Variants in KCNA2 observed in about 807,000 individuals in gnomAD.
The protein encoded by KCNA2 is potassium voltage-gated channel subfamily A member 2.
In KCNA2, 11 loss-of-function variants were observed where a neutral mutation model predicts 33.4. The observed-to-expected ratio is 0.33, with a 90% CI of 0.21 to 0.55. KCNA2 has a LOEUF of 0.55. KCNA2 is among the 20% of genes least tolerant of loss of function. The probability of loss-of-function intolerance (pLI) is 0.93; values close to 1 mark genes in which losing one functional copy is unlikely to be tolerated. For missense variants in KCNA2, 291 were observed against 621.6 expected, an observed-to-expected ratio of 0.47 and a Z score of 5.66; for synonymous variants, 222 against 231.3, an observed-to-expected ratio of 0.96 and a Z score of 0.37.
chr1:110,600,436 A>G lies in KCNA2; in HGVS notation c.*2847T>C. The G allele has an allele frequency of 2.0e-6, 2 of 984,746 alleles. No homozygotes were observed. The highest frequency in any genetic ancestry group is 2.4e-6 in the Non-Finnish European group (2 of 829,804). The allele number at this position is 984,746 out of a possible 1,614,324, so 61.0% of individuals were successfully genotyped here. A position where few individuals can be genotyped will look rare whatever the true frequency, so the allele number is the denominator to read the frequency against. On this transcript the variant is annotated 3_prime_UTR_variant, in exon 3 of 3. Transcript: ENST00000316361. ...TGTGGTGTATGTTTGTCTTTTGTGT[A>G]TGTTCTGTGTAAATTCTATATCTGT...
chr1:110,624,650 C>G (rs1650346383), intron 1 of KCNA2, among the ~76,000 whole-genome samples: 1 of 152,184 alleles, frequency 6.6e-6, no homozygotes, highest in Non-Finnish European at 1.5e-5. Context: ...ATAACAACAA[C>G]TACTACACAT....
At chr1:110,613,871 G>A (rs879859714) in intron 1 of KCNA2, among the ~76,000 whole-genome samples, 2 of 152,160 alleles carry the variant, frequency 1.3e-5, no homozygotes, top group Admixed American at 1.3e-4. Flanking sequence ...CATAGAGTGG[G>A]TATACTGTGG....
intron 1 of KCNA2, among the ~76,000 whole-genome samples, chr1:110,620,136 C>A (rs929175067): frequency 1.3e-5 from 2 of 151,426 alleles, no homozygotes; most frequent in Non-Finnish European, 2.9e-5. Flanking sequence ...CTTCTCAGCC[C>A]CCAGACCAAA....
At position 110,603,278 on chromosome 1, in the gene KCNA2, T is replaced by C. The variant is rs1557731534; in HGVS notation, c.*5A>G. ...TTGAGCTGTGAGTACGGTAATAGGT[T>C]TCAATCAGACATCAGTTAACATTTT... On this transcript the variant is annotated 3_prime_UTR_variant, in exon 3 of 3. Transcript: ENST00000316361. The surrounding 1 kb of genome is among the most constrained non-coding windows in gnomAD (Gnocchi z 5.7). The C allele has an allele frequency of 1.3e-6, 2 of 1,595,166 alleles. No homozygotes were observed.
In KCNA2 at chr1:110,599,907, A is replaced by AC; in HGVS notation, c.*3375dup. 5.1e-6 allele frequency: 5 copies of AC among 985,342 alleles called. No individual in the cohort carries two copies. Among genetic ancestry groups the AC allele is most frequent in the Non-Finnish European group, 6.0e-6 (5 of 829,940 alleles). 61.0% of individuals were successfully genotyped at this position (985,342 alleles called of 1,614,324 possible). ...TGTCCCAGGTACTTTCACACCCTGC[A>AC]CCCAGGTTTCTGGTGGGAGGAAGGT... On this transcript the variant is annotated 3_prime_UTR_variant, in exon 3 of 3. Transcript: ENST00000316361.
At chr1:110,631,416 G>C (rs1250679627) in exon 1 of KCNA2, 1 of 152,316 alleles carries the variant, frequency 6.6e-6, no homozygotes, top group Non-Finnish European at 1.5e-5. Flanking sequence ...CCCAGCGGAG[G>C]CTCTCCTGCA....
intron 1 of KCNA2, among the ~76,000 whole-genome samples, chr1:110,622,986 A>G (rs909290363): frequency 1.3e-5 from 2 of 152,216 alleles, no homozygotes; most frequent in Non-Finnish European, 2.9e-5. Flanking sequence ...GAGCTATACA[A>G]TACTGCAAGG....
intron 1 of KCNA2, among the ~76,000 whole-genome samples, chr1:110,613,679 GTATCA>G (rs956165203): frequency 6.6e-6 from 1 of 152,200 alleles, no homozygotes; most frequent in Non-Finnish European, 1.5e-5. Flanking sequence ...GGCAACCCCT[GTATCA>G]GAGGATAGCA....
In KCNA2 at chr1:110,594,061, C is replaced by A; in HGVS notation, c.*9222G>T. 6.8e-7 allele frequency: 1 copy of A among 1,467,274 alleles called. No individual in the cohort carries two copies. The highest frequency in any genetic ancestry group is 1.4e-5 in the South Asian group (1 of 69,122). The allele number at this position is 1,467,274 out of a possible 1,614,324, so 90.9% of individuals were successfully genotyped here. On this transcript the variant is annotated 3_prime_UTR_variant, in exon 3 of 3. Coordinates refer to ENST00000316361, the MANE Select transcript of KCNA2 (RefSeq NM_004974.4). ...CACCATGGAGACCCCAGTTCCCTTT[C>A]GGCATCATCCTTACGAAGCTTTACC... is the stretch of plus-strand genomic sequence containing the variant.
chr1:110,630,901 C>T (rs929382858), intron 1 of KCNA2, among the ~76,000 whole-genome samples: 2 of 152,204 alleles, frequency 1.3e-5, no homozygotes, highest in South Asian at 2.1e-4. Flanking sequence ...AGGCAGCCAG[C>T]CCCGGAACCA....
In KCNA2 at chr1:110,596,350, T is replaced by TATAC. The variant is rs1553180309; in HGVS notation, c.*6932_*6933insGTAT. The stretch of plus-strand genomic sequence containing the variant: ...TATACATATACTATATATATATATA[T>TATAC]ACACACATAAATATATGTATATATG... On this transcript the variant is annotated 3_prime_UTR_variant, in exon 3 of 3. Coordinates refer to ENST00000316361, the MANE Select transcript of KCNA2 (RefSeq NM_004974.4). 1.1e-5 allele frequency: 4 copies of TATAC among 363,042 alleles called. No individual in the cohort carries two copies. The highest frequency in any genetic ancestry group is 4.5e-5 in the African/African-American group (2 of 44,926). 22.5% of individuals were successfully genotyped at this position (363,042 alleles called of 1,614,324 possible).
chr1:110,596,794 G>C lies in KCNA2; in HGVS notation c.*6489C>G. ...CAATCAGGATGTTCCTGTCCCTGAGGTTTCCCCATCAGTTAACTGAGGTTT... is the reference window on the plus strand; with the variant it reads ...CAATCAGGATGTTCCTGTCCCTGAGCTTTCCCCATCAGTTAACTGAGGTTT... On this transcript the variant is annotated 3_prime_UTR_variant, in exon 3 of 3. Transcript: ENST00000316361. The C allele has an allele frequency of 1.0e-6, 1 of 985,400 alleles. No homozygotes were observed. The highest frequency in any genetic ancestry group is 1.2e-6 in the Non-Finnish European group (1 of 829,936). The allele number at this position is 985,400 out of a possible 1,614,324, so 61.0% of individuals were successfully genotyped here.
upstream of KCNA2, among the ~76,000 whole-genome samples, chr1:110,611,045 G>GAAGT (rs1649853629): frequency 6.6e-6 from 1 of 151,954 alleles, no homozygotes; most frequent in Admixed American, 6.6e-5. Flanking sequence ...AGGAAGGAAG[G>GAAGT]AAGGAAGGAA....
At position 110,599,382 on chromosome 1, in the gene KCNA2, G is replaced by A. The variant is rs1471508341; in HGVS notation, c.*3901C>T. On this transcript the variant is annotated 3_prime_UTR_variant, in exon 3 of 3. Transcript: ENST00000316361. ...AGTGTTAGCTTGCTTAGCCTTAGAT[G>A]TATGTTCTTAATCACTTTTTACTTA... is the stretch of plus-strand genomic sequence containing the variant. The A allele has an allele frequency of 4.1e-6, 4 of 985,292 alleles. No homozygotes were observed. In the African/African-American group the frequency reaches 7.0e-5, roughly 17 times the overall value. 61.0% of individuals were successfully genotyped at this position (985,292 alleles called of 1,614,324 possible).
Position 110,601,989 on chromosome 1 carries a change from G to C in KCNA2, c.*1294C>G, listed in dbSNP as rs886918913. 5 of 1,534,626 alleles carry C rather than the reference G, an allele frequency of 3.3e-6. No individual in the cohort carries two copies. The highest frequency in any genetic ancestry group is 2.0e-5 in the Admixed American group (1 of 49,982). On this transcript the variant is annotated 3_prime_UTR_variant, in exon 3 of 3. Transcript: ENST00000316361. Reference sequence around the variant, plus strand: ...GCTAGGTAGAGGAACGCGTGAAAGAGAGATACTCGATATATATTTATATAC... The same window carrying C: ...GCTAGGTAGAGGAACGCGTGAAAGACAGATACTCGATATATATTTATATAC...
chr1:110,596,111 C>A lies in KCNA2; in HGVS notation c.*7172G>T. 1 of 985,194 alleles carries A rather than the reference C, an allele frequency of 1.0e-6. No individual in the cohort carries two copies. Among genetic ancestry groups the A allele is most frequent in the Non-Finnish European group, 1.2e-6 (1 of 829,888 alleles). The allele number at this position is 985,194 out of a possible 1,614,324, so 61.0% of individuals were successfully genotyped here. A position where few individuals can be genotyped will look rare whatever the true frequency, so the allele number is the denominator to read the frequency against. ...GAAAGGAAAGAGGTGATCCTGTAGC[C>A]TGTTCTTTTTTTATGAAAGATCTGC... On this transcript the variant is annotated 3_prime_UTR_variant, in exon 3 of 3. Transcript: ENST00000316361.
At chr1:110,629,218 CCACCAAAT>C (rs1257910051) in intron 1 of KCNA2, among the ~76,000 whole-genome samples, 1 of 152,090 alleles carries the variant, frequency 6.6e-6, no homozygotes, top group Admixed American at 6.5e-5. Flanking sequence ...TCCCCAATTA[CCACCAAAT>C]CACCAAATGA....
chr1:110,615,936 G>T (rs1650035454), intron 1 of KCNA2, among the ~76,000 whole-genome samples: 2 of 152,182 alleles, frequency 1.3e-5, no homozygotes, highest in East Asian at 3.9e-4. Flanking sequence ...ATCCAACAGT[G>T]CCACCCAATG....
intron 1 of KCNA2, among the ~76,000 whole-genome samples, chr1:110,624,241 CA>C (rs1408733351): frequency 6.6e-6 from 1 of 152,156 alleles, no homozygotes; most frequent in African/African-American, 2.4e-5. Flanking sequence ...GAAAGGAATC[CA>C]AATGTCCACC....
Sources: gnomAD v4.1 joint callset for allele counts (sites outside exome capture counted in the v4.1 genomes callset) on GRCh38, gnomAD v4.1.1 for gene constraint, Gnocchi (gnomAD v3.1) non-coding constraint, MANE v1.5 for transcripts, NCBI Gene and HGNC (gene_info 2026-07-23, HGNC 2026-07-21) for gene names.